Variants in ZNF565 observed in about 807,000 individuals in gnomAD.
ZNF565 encodes zinc finger protein 565.
Under a neutral mutation model 39.4 loss-of-function variants are expected in ZNF565, and 27 were observed. That is an observed-to-expected ratio of 0.69 (90% confidence interval 0.51 to 0.95). The LOEUF (loss-of-function observed/expected upper bound fraction) is 0.95. Among genes scored for constraint, ZNF565 ranks in the 40% least tolerant of loss-of-function variants. The probability of loss-of-function intolerance (pLI) is 0.00; values close to 1 mark genes in which losing one functional copy is unlikely to be tolerated. For missense variants in ZNF565, 524 were observed against 621.1 expected, an observed-to-expected ratio of 0.84 and a Z score of 1.66; for synonymous variants, 185 against 216.6, an observed-to-expected ratio of 0.85 and a Z score of 1.28.
chr19:36,196,209 C>A (rs142653334), intron 2 of ZNF565, among the ~76,000 whole-genome samples: 1 of 152,140 alleles, frequency 6.6e-6, no homozygotes, highest in Non-Finnish European at 1.5e-5. Context: ...GGATGACAGG[C>A]GTGAGTCACT....
intron 1 of ZNF565, chr19:36,236,502 G>A: frequency 6.2e-7 from 1 of 1,614,156 alleles, no homozygotes; most frequent in Non-Finnish European, 8.5e-7. Context: ...TGTAAGGTAT[G>A]TGGAAAAGTC....
intron 1 of ZNF565, among the ~76,000 whole-genome samples, chr19:36,227,897 A>G (rs2145429490): frequency 6.6e-6 from 1 of 152,310 alleles, no homozygotes; most frequent in African/African-American, 2.4e-5. Context: ...ACGGTGGCTT[A>G]CATCTGTAAT....
At chr19:36,220,360 TAATTTAA>T (rs57850429) in intron 1 of ZNF565, among the ~76,000 whole-genome samples, 13,291 of 142,498 alleles carry the variant, frequency 0.093, 1,344 homozygotes, top group Non-Finnish European at 0.14. Context: ...TTCTTTTTTT[TAATTTAA>T]TTTTATTTTA....
At chr19:36,230,154 T>C (rs1234728508) in intron 1 of ZNF565, among the ~76,000 whole-genome samples, 1 of 152,234 alleles carries the variant, frequency 6.6e-6, no homozygotes, top group African/African-American at 2.4e-5. Flanking sequence ...TAGCATTTAC[T>C]TTTTAAGTGG....
intron 1 of ZNF565, among the ~76,000 whole-genome samples, chr19:36,227,995 T>A (rs982415776): frequency 6.6e-6 from 1 of 152,064 alleles, no homozygotes; most frequent in African/African-American, 2.4e-5. Context: ...ACTCTGTCTC[T>A]ACTAAAAATA....
intron 4 of ZNF565, among the ~76,000 whole-genome samples, chr19:36,184,354 C>T (rs958795462): frequency 1.3e-5 from 2 of 152,024 alleles, no homozygotes; most frequent in African/African-American, 4.8e-5. Context: ...CAACCTCCGC[C>T]TCTTGGGTTC....
intron 1 of ZNF565, among the ~76,000 whole-genome samples, chr19:36,232,329 G>C (rs1238234356): frequency 6.6e-6 from 1 of 151,334 alleles, no homozygotes; most frequent in African/African-American, 2.4e-5. Context: ...ATATAAACTT[G>C]AATTCAGTTT....
At chr19:36,185,716 ATTTTTTTTT>A (rs201279241) in intron 4 of ZNF565, among the ~76,000 whole-genome samples, 1 of 125,118 alleles carries the variant, frequency 8.0e-6, no homozygotes, top group Non-Finnish European at 1.7e-5. Flanking sequence ...CTCACTCTCT[ATTTTTTTTT>A]TTTTTTTTTG....
At chr19:36,221,927 C>CTTTTTTTTTTTTTTTT (rs60347994) in intron 1 of ZNF565, among the ~76,000 whole-genome samples, 2 of 109,912 alleles carry the variant, frequency 1.8e-5, no homozygotes, top group African/African-American at 3.5e-5. Flanking sequence ...TTTTTTCTTT[C>CTTTTTTTTTTTTTTTT]TTTTTTTTTT....
intron 1 of ZNF565, among the ~76,000 whole-genome samples, chr19:36,244,289 G>A (rs1207810235): frequency 6.6e-6 from 1 of 152,216 alleles, no homozygotes; most frequent in East Asian, 1.9e-4. Context: ...GCCGGATGCG[G>A]TGGCTCACGC....
At chr19:36,183,777 T>G in intron 4 of ZNF565, 44 bp from the exon 5 acceptor site, 4 of 1,534,936 alleles carry the variant, frequency 2.6e-6, no homozygotes, top group South Asian at 1.3e-5. Context: ...GATCCTTCTC[T>G]ATGAGAAATA....
At chr19:36,195,443 CATA>C (rs1451263600) in intron 2 of ZNF565, among the ~76,000 whole-genome samples, 1 of 151,806 alleles carries the variant, frequency 6.6e-6, no homozygotes, top group South Asian at 2.1e-4. Context: ...TAGAAAAACA[CATA>C]ATAATCAGAA....
rs1165059998 is a variant in ZNF565, at chr19:36,234,556, C to T, written c.55+10920G>A. On this transcript the variant is annotated intron_variant, in intron 1 of 4. Transcript: ENST00000355114. ...TTGCATCTGGTTGCTCGCCACCACG[C>T]CCGGCTAATTTTTTGTATTTTTAGT... 2.0e-5 allele frequency among the ~76,000 whole-genome samples: 3 copies of T among 152,252 alleles called. 1 individual carries two copies. The highest frequency in any genetic ancestry group is 1.3e-4 in the Admixed American group (2 of 15,294).
At chr19:36,212,613 C>T (rs1976402439) in intron 1 of ZNF565, among the ~76,000 whole-genome samples, 1 of 150,112 alleles carries the variant, frequency 6.7e-6, no homozygotes, top group African/African-American at 2.5e-5. Flanking sequence ...CAGAGCAGGA[C>T]TCCGTCTCAA....
chr19:36,236,135 C>T (rs1431346955), intron 1 of ZNF565: 1 of 289,930 alleles, frequency 3.4e-6, no homozygotes, highest in Non-Finnish European at 6.4e-6. Context: ...GGAGTATTGA[C>T]AAGCCCTTAG....
intron 1 of ZNF565, among the ~76,000 whole-genome samples, chr19:36,242,430 A>G (rs1977816363): frequency 3.4e-5 from 5 of 148,652 alleles, no homozygotes; most frequent in Admixed American, 3.4e-4. Flanking sequence ...AGAACAACCT[A>G]TTAAAAATGG....
chr19:36,191,865 G>C (rs958425305), intron 4 of ZNF565, among the ~76,000 whole-genome samples: 1 of 152,126 alleles, frequency 6.6e-6, no homozygotes, highest in Non-Finnish European at 1.5e-5. Flanking sequence ...CAAAATCGGA[G>C]TGGGAGGAGG....
intron 1 of ZNF565, among the ~76,000 whole-genome samples, chr19:36,221,927 C>CTTTTTT (rs60347994): frequency 3.1e-4 from 34 of 109,878 alleles, no homozygotes; most frequent in South Asian, 6.2e-4. Flanking sequence ...TTTTTTCTTT[C>CTTTTTT]TTTTTTTTTT....
At chr19:36,231,108 C>T (rs1977343790) in intron 1 of ZNF565, among the ~76,000 whole-genome samples, 1 of 152,094 alleles carries the variant, frequency 6.6e-6, no homozygotes. Context: ...TAAACGTGAC[C>T]ACAACTGACT....
Sources: allele counts gnomAD v4.1 joint callset (sites outside exome capture counted in the v4.1 genomes callset), GRCh38; gene constraint gnomAD v4.1.1; transcripts MANE v1.5; gene names NCBI Gene and HGNC (gene_info 2026-07-23, HGNC 2026-07-21).